Variants in DEUP1 observed in about 807,000 individuals in gnomAD.
DEUP1 encodes coiled-coil domain containing 67.
DEUP1 carries 82 observed loss-of-function variants against 87.4 expected under a neutral mutation model. The ratio of observed to expected loss-of-function variants is 0.94; its 90% confidence interval spans 0.78 to 1.13. DEUP1 has a LOEUF of 1.13. DEUP1 is among the 50% of genes most tolerant of loss of function. The pLI is 0.00. For synonymous variants in DEUP1, 214 were observed against 222.7 expected (o/e 0.96, Z 0.35); for missense variants, 663 against 681.5 (o/e 0.97, Z 0.30).
intron 13 of DEUP1, among the ~76,000 whole-genome samples, chr11:93,420,220 T>C (rs1947827434): frequency 6.6e-6 from 1 of 152,056 alleles, no homozygotes; most frequent in Admixed American, 6.6e-5. Context: ...TCCACCATGA[T>C]CAAGTGGGCT....
At chr11:93,364,065 A>G (rs758443113) in intron 4 of DEUP1, 95 bp from the exon 5 acceptor site, 18 of 930,624 alleles carry the variant, frequency 1.9e-5, no homozygotes, top group Non-Finnish European at 2.9e-5. Context: ...AATCATGACA[A>G]ATTTTCAAAG....
chr11:93,372,958 C>T (rs140601696), intron 7 of DEUP1, among the ~76,000 whole-genome samples: 5 of 152,142 alleles, frequency 3.3e-5, no homozygotes, highest in Admixed American at 6.5e-5. Flanking sequence ...TGCATGACTG[C>T]GGGTCATGCA....
chr11:93,372,263 C>T (rs1300927501), intron 7 of DEUP1, among the ~76,000 whole-genome samples: 2 of 152,136 alleles, frequency 1.3e-5, no homozygotes, highest in Non-Finnish European at 2.9e-5. Flanking sequence ...GTACTTGAGA[C>T]GTTCTTTTAT....
At chr11:93,353,962 T>A (rs980236545) in intron 2 of DEUP1, among the ~76,000 whole-genome samples, 13 of 152,232 alleles carry the variant, frequency 8.5e-5, no homozygotes, top group African/African-American at 3.1e-4. Flanking sequence ...TTAGGCTCCT[T>A]GCTACTTATG....
chr11:93,371,034 TC>T lies in DEUP1; in HGVS notation c.547-3del, dbSNP rs1230392613. The T allele has an allele frequency of 1.2e-6, 2 of 1,605,876 alleles. No homozygotes were observed. Among genetic ancestry groups the T allele is most frequent in the African/African-American group, 2.7e-5 (2 of 74,584 alleles). On this transcript the variant is annotated splice_region_variant and splice_polypyrimidine_tract_variant and intron_variant, in intron 6 of 13. Coordinates refer to ENST00000298050, the MANE Select transcript of DEUP1 (RefSeq NM_181645.4). Reference sequence around the variant, plus strand: ...TTGAGTTACACAGTTTTTATATTTTTCAGAAACAGGCACAAAGTTACCAAAC... The same window carrying T: ...TTGAGTTACACAGTTTTTATATTTTTAGAAACAGGCACAAAGTTACCAAAC...
At chr11:93,382,162 A>G (rs1946332517) in intron 7 of DEUP1, among the ~76,000 whole-genome samples, 1 of 152,208 alleles carries the variant, frequency 6.6e-6, no homozygotes, top group South Asian at 2.1e-4. Flanking sequence ...AATTGATTTG[A>G]CTTTCATGCA....
intron 2 of DEUP1, among the ~76,000 whole-genome samples, chr11:93,334,165 C>A (rs966549472): frequency 6.6e-6 from 1 of 152,144 alleles, no homozygotes; most frequent in African/African-American, 2.4e-5. Flanking sequence ...CCACGGTCTC[C>A]AAAGCATGGA....
rs760209195 is a variant in DEUP1 at position 93,355,457 on chromosome 11, A to G, written c.116A>G (p.Lys39Arg). The change falls in exon 3 of 14, where the codon AAG becomes AGG. Residue 39 changes from lysine (K) to arginine (R), a missense_variant. Lys to Arg is a conservative substitution (Grantham distance 26). Transcript: ENST00000298050. ...VSNKKMDWER[K>R]MRALETRLDL... The stretch of plus-strand genomic sequence containing the variant: ...AACAAGAAAATGGATTGGGAAAGAA[A>G]GATGCGGGCTTTGGAGACACGATTA... 9 of 1,613,860 alleles carry G rather than the reference A, an allele frequency of 5.6e-6. No individual in the cohort carries two copies. Among genetic ancestry groups the G allele is most frequent in the Non-Finnish European group, 6.8e-6 (8 of 1,179,812 alleles).
At chr11:93,434,663 G>A (rs374706164) in intron 13 of DEUP1, among the ~76,000 whole-genome samples, 19 of 152,090 alleles carry the variant, frequency 1.2e-4, no homozygotes, top group African/African-American at 3.9e-4. Flanking sequence ...GAAGCATTCC[G>A]CCTCTAAGAG....
intron 13 of DEUP1, among the ~76,000 whole-genome samples, chr11:93,432,399 A>G (rs562348106): frequency 6.6e-6 from 1 of 152,212 alleles, no homozygotes; most frequent in Non-Finnish European, 1.5e-5. Context: ...CCAGGCCACA[A>G]CGTAATGAGT....
chr11:93,430,981 A>G (rs772164847), intron 13 of DEUP1, among the ~76,000 whole-genome samples: 5 of 151,850 alleles, frequency 3.3e-5, no homozygotes, highest in Non-Finnish European at 7.4e-5. Flanking sequence ...CTGTAGTCCC[A>G]GCTACTCCAG....
At chr11:93,359,702 GATA>G (rs1195201404) in intron 4 of DEUP1, among the ~76,000 whole-genome samples, 1 of 152,152 alleles carries the variant, frequency 6.6e-6, no homozygotes, top group Non-Finnish European at 1.5e-5. Flanking sequence ...AGCCTACCAA[GATA>G]ATACACTTTT....
chr11:93,376,784 T>G (rs916519410), intron 7 of DEUP1, among the ~76,000 whole-genome samples: 3 of 152,222 alleles, frequency 2.0e-5, no homozygotes, highest in African/African-American at 7.2e-5. Flanking sequence ...TAGTACTGCT[T>G]TTGCTGTATC....
intron 7 of DEUP1, among the ~76,000 whole-genome samples, chr11:93,381,123 A>G (rs1334342233): frequency 3.3e-5 from 5 of 152,216 alleles, no homozygotes; most frequent in Non-Finnish European, 7.4e-5. Context: ...TTCATTCTTT[A>G]GGATAAATCT....
chr11:93,347,028 C>T (rs577862197), intron 2 of DEUP1, among the ~76,000 whole-genome samples: 3 of 152,244 alleles, frequency 2.0e-5, no homozygotes, highest in African/African-American at 7.2e-5. Context: ...TTTGGATGCC[C>T]TTTATTTCTT....
chr11:93,356,191 T>C (rs11020279), intron 3 of DEUP1, among the ~76,000 whole-genome samples: 23,692 of 152,218 alleles, frequency 0.16, 2,000 homozygotes, highest in South Asian at 0.24. Flanking sequence ...TTAAAGGAAA[T>C]GTTTGCTAGT....
chr11:93,433,185 T>C (rs1039455613), intron 13 of DEUP1, among the ~76,000 whole-genome samples: 1 of 152,190 alleles, frequency 6.6e-6, no homozygotes, highest in Non-Finnish European at 1.5e-5. Context: ...AAAAATTTTA[T>C]TGAAAACACA....
At chr11:93,372,765 A>G (rs1945806648) in intron 7 of DEUP1, among the ~76,000 whole-genome samples, 1 of 152,232 alleles carries the variant, frequency 6.6e-6, no homozygotes, top group Non-Finnish European at 1.5e-5. Flanking sequence ...AAGAAAGCTA[A>G]TCTACAAACA....
chr11:93,394,551 T>C lies in DEUP1; in HGVS notation c.1134T>C (p.His378=). ...NEISDLTEEL[H]QKEITIATVT... is the part of the protein sequence containing the mutation. ...TCTCTGACCTAACAGAAGAGCTTCATCAGAAGGAGATCACTATAGCAACTG... is the reference window on the plus strand; with the variant it reads ...TCTCTGACCTAACAGAAGAGCTTCACCAGAAGGAGATCACTATAGCAACTG... Residue 378 remains histidine, a synonymous_variant, in exon 10 of 14, where the codon CAT becomes CAC. Transcript: ENST00000298050. 6.2e-7 allele frequency: 1 copy of C among 1,612,830 alleles called. No homozygotes were observed. The highest frequency in any genetic ancestry group is 8.5e-7 in the Non-Finnish European group (1 of 1,179,346).
Sources: allele counts gnomAD v4.1 joint callset (sites outside exome capture counted in the v4.1 genomes callset), GRCh38; gene constraint gnomAD v4.1.1; transcripts MANE v1.5; gene names NCBI Gene and HGNC (gene_info 2026-07-23, HGNC 2026-07-21).